The following KLF17 variants were observed in gnomAD, a reference collection of about 807,000 sequenced individuals.
KLF17 encodes Krueppel-like factor 17.
In KLF17, 31 loss-of-function variants were observed where a neutral mutation model predicts 34.2. The observed-to-expected ratio is 0.91, with a 90% confidence interval of 0.68 to 1.22. The LOEUF (loss-of-function observed/expected upper bound fraction) is 1.22, where lower values mean the gene tolerates loss of function less well. Among genes scored for constraint, KLF17 ranks in the 50% most tolerant of loss-of-function variants. KLF17 has a pLI of 0.00. For missense variants in KLF17, 478 were observed against 505.2 expected (o/e 0.95, Z 0.52); for synonymous variants, 179 against 186.7 (o/e 0.96, Z 0.34).
chr1:44,065,567 G>A, the KLF17 span, among the ~76,000 whole-genome samples: 2 of 151,426 alleles, frequency 1.3e-5, no homozygotes, highest in Non-Finnish European at 2.9e-5. Context: ...GCACCACCAC[G>A]CCAGGCTAAT....
At chr1:44,071,169 C>T in the KLF17 span, among the ~76,000 whole-genome samples, 2 of 152,178 alleles carry the variant, frequency 1.3e-5, no homozygotes, top group East Asian at 3.9e-4. Flanking sequence ...CAGCAGAAGT[C>T]AGCTGTATTC....
chr1:44,118,371 A>T (rs77602172), upstream of KLF17, among the ~76,000 whole-genome samples: 1,899 of 152,284 alleles, frequency 0.012, 20 homozygotes, highest in Non-Finnish European at 0.019. Context: ...GTTCGTACAG[A>T]CAAGGGACAG....
At chr1:44,095,207 T>A in the KLF17 span, among the ~76,000 whole-genome samples, 2 of 124,638 alleles carry the variant, frequency 1.6e-5, no homozygotes, top group African/African-American at 5.9e-5. Flanking sequence ...GGCCTATTTA[T>A]ATCTTTTTTT....
At chr1:44,133,159 T>C (rs1388153664) in intron 3 of KLF17, 79 bp from the exon 4 acceptor site, 1 of 152,232 alleles carries the variant, frequency 6.6e-6, no homozygotes, top group Non-Finnish European at 1.5e-5. Context: ...TCAGAAAGGC[T>C]CTCTGGAGGA....
In KLF17 at chr1:44,118,855, G is replaced by T; in HGVS notation, c.-53G>T. 1 of 1,426,238 alleles carries T rather than the reference G, an allele frequency of 7.0e-7. No individual in the cohort carries two copies. Among genetic ancestry groups the T allele is most frequent in the Non-Finnish European group, 9.5e-7 (1 of 1,051,796 alleles). 88.3% of individuals were successfully genotyped at this position (1,426,238 alleles called of 1,614,324 possible). On this transcript the variant is annotated 5_prime_UTR_variant, in exon 1 of 4. Transcript: ENST00000372299. ...TACCGATACCCGCCTGCGACGCCGT[G>T]GTGGCTGGTTCCCTGTCTCTTCAGT...
chr1:44,089,897 C>T, the KLF17 span, among the ~76,000 whole-genome samples: 1 of 152,000 alleles, frequency 6.6e-6, no homozygotes, highest in Non-Finnish European at 1.5e-5. Flanking sequence ...TGCGGTGACT[C>T]ATGCCTGTAA....
Position 44,134,762 on chromosome 1 carries a change from T to A in KLF17, c.*1525T>A, listed in dbSNP as rs2088150238. 1 of 152,272 alleles carries A rather than the reference T, an allele frequency of 6.6e-6. No individual in the cohort carries two copies. The highest frequency in any genetic ancestry group is 6.5e-5 in the Admixed American group (1 of 15,272). 9.4% of individuals were successfully genotyped at this position (152,272 alleles called of 1,614,324 possible). On this transcript the variant is annotated 3_prime_UTR_variant, in exon 4 of 4. Transcript: ENST00000372299. The stretch of plus-strand genomic sequence containing the variant: ...GGGAGAGGAAGGGACATAGCAGTAT[T>A]TCAGGTGAGAGTCAAGGTGGCTTTG...
At chr1:44,084,116 T>C in the KLF17 span, among the ~76,000 whole-genome samples, 2 of 152,232 alleles carry the variant, frequency 1.3e-5, no homozygotes, top group African/African-American at 2.4e-5. Flanking sequence ...TCACTGGAAC[T>C]GTAGAAGGAA....
At chr1:44,132,149 T>C (rs1423406175) in intron 3 of KLF17, among the ~76,000 whole-genome samples, 1 of 151,892 alleles carries the variant, frequency 6.6e-6, no homozygotes, top group Non-Finnish European at 1.5e-5. Context: ...CTACAAAAAA[T>C]ACAAAAATTA....
chr1:44,103,388 C>G, the KLF17 span: 1 of 761,234 alleles, frequency 1.3e-6, no homozygotes, highest in African/African-American at 1.7e-5. Context: ...TCTTCACAAC[C>G]ACGGCCCTGG....
At chr1:44,103,539 A>T in the KLF17 span, 891 of 1,365,086 alleles carry the variant, frequency 6.5e-4, 4 homozygotes, top group African/African-American at 0.011. Context: ...CTTCGTATGG[A>T]TACTCCTGTT....
chr1:44,117,774 C>G (rs957565416), upstream of KLF17, among the ~76,000 whole-genome samples: 2 of 152,136 alleles, frequency 1.3e-5, no homozygotes, highest in African/African-American at 4.8e-5. Flanking sequence ...GCGTTGCAGG[C>G]GTGAACCACT....
chr1:44,059,957 CTGTT>C, the KLF17 span, among the ~76,000 whole-genome samples: 5 of 152,112 alleles, frequency 3.3e-5, no homozygotes, highest in African/African-American at 4.8e-5. Flanking sequence ...GAAAACAAGA[CTGTT>C]TGACCACTCC....
Position 44,133,911 on chromosome 1 carries a change from C to T in KLF17, c.*674C>T, listed in dbSNP as rs2088140364. The T allele has an allele frequency of 6.6e-6, 1 of 152,246 alleles. No homozygotes were observed. Among genetic ancestry groups the T allele is most frequent in the Non-Finnish European group, 1.5e-5 (1 of 68,084 alleles). 9.4% of individuals were successfully genotyped at this position (152,246 alleles called of 1,614,324 possible). On this transcript the variant is annotated 3_prime_UTR_variant, in exon 4 of 4. Transcript: ENST00000372299. ...ATTCACTAGCCCCAGGGATTGAAGT[C>T]TTGGGTACTCAAAGTGTCTTTCTAC... is the stretch of plus-strand genomic sequence containing the variant.
the KLF17 span, among the ~76,000 whole-genome samples, chr1:44,102,565 TACACACACACACACACACACAC>T: frequency 8.3e-3 from 746 of 89,346 alleles, 11 homozygotes; most frequent in African/African-American, 0.028. Context: ...CACATACACA[TACACACACACACACACACACAC>T]ACACACACAC....
At chr1:44,104,382 G>C in the KLF17 span, 2 of 1,031,644 alleles carry the variant, frequency 1.9e-6, no homozygotes, top group South Asian at 2.5e-5. Context: ...GCTCCCAGCC[G>C]TCTGCTGCTG....
At chr1:44,128,019 G>C (rs1029690568) in intron 1 of KLF17, among the ~76,000 whole-genome samples, 1 of 151,672 alleles carries the variant, frequency 6.6e-6, no homozygotes, top group East Asian at 1.9e-4. Context: ...GGAGATGATA[G>C]GATAGCTTTA....
At chr1:44,126,117 G>A (rs887515148) in intron 1 of KLF17, among the ~76,000 whole-genome samples, 13 of 151,950 alleles carry the variant, frequency 8.6e-5, no homozygotes, top group African/African-American at 3.1e-4. Flanking sequence ...TCTGCCTCCC[G>A]GGTTCACACC....
At chr1:44,085,585 G>A in the KLF17 span, among the ~76,000 whole-genome samples, 1 of 152,122 alleles carries the variant, frequency 6.6e-6, no homozygotes, top group East Asian at 1.9e-4. Context: ...TTGGGCCCAG[G>A]AGTTCAAGAC....
Sources: allele counts gnomAD v4.1 joint callset (sites outside exome capture counted in the v4.1 genomes callset), GRCh38; gene constraint gnomAD v4.1.1; transcripts MANE v1.5; gene names NCBI Gene and HGNC (gene_info 2026-07-23, HGNC 2026-07-21).